Variants in ETFB observed in about 807,000 individuals in gnomAD.
ETFB encodes the protein beta-ETF.
In ETFB, 20 loss-of-function variants were observed where a neutral mutation model predicts 25.6. The observed-to-expected ratio is 0.78, with a 90% CI of 0.55 to 1.14. ETFB has a LOEUF of 1.14. Ranked by LOEUF, ETFB falls within the 50% of genes most tolerant of loss-of-function variation. ETFB has a pLI of 0.00. For synonymous variants in ETFB, 142 were observed against 146.7 expected (o/e 0.97, Z 0.23); for missense variants, 286 against 342.6 (o/e 0.83, Z 1.30).
At position 51,354,182 on chromosome 19, in the gene ETFB, T is replaced by C. The variant is rs199705168; in HGVS notation, c.184A>G (p.Ile62Val). ...LKEKKLVKEV[I>V]AVSCGPAQCQ... is the part of the protein sequence containing the mutation. Reference sequence around the variant, plus strand: ...TGTGCAGGCCCACAGCTGACGGCGATGACCTCCTTCACCAGCTTCTTCTCC... The same window carrying C: ...TGTGCAGGCCCACAGCTGACGGCGACGACCTCCTTCACCAGCTTCTTCTCC... Residue 62 changes from isoleucine to valine, a missense_variant, in exon 2 of 6, where the codon ATC becomes GTC. By Grantham distance (29) the Ile-to-Val change is conservative (BLOSUM62 3). Coordinates refer to ENST00000309244, the MANE Select transcript of ETFB (RefSeq NM_001985.3). 18 of 1,613,980 alleles carry C rather than the reference T, an allele frequency of 1.1e-5. No homozygotes were observed. The Admixed American group carries it at 1.8e-4, about 16-fold the overall frequency.
chr19:51,350,836 G>T (rs968351123), intron 3 of ETFB, among the ~76,000 whole-genome samples: 1 of 152,174 alleles, frequency 6.6e-6, no homozygotes, highest in Non-Finnish European at 1.5e-5. Flanking sequence ...CAGGTCATAC[G>T]GTCTCTGTCA....
At chr19:51,355,071 G>T (rs1986045683) in intron 1 of ETFB, 1 of 175,736 alleles carries the variant, frequency 5.7e-6, no homozygotes, top group Non-Finnish European at 1.2e-5. Context: ...AACAGCTACA[G>T]AGATGAAAGG....
At chr19:51,359,918 T>A (rs1986178216) in intron 1 of ETFB, among the ~76,000 whole-genome samples, 1 of 151,634 alleles carries the variant, frequency 6.6e-6, no homozygotes, top group South Asian at 2.1e-4. Flanking sequence ...CTGAGGAGGC[T>A]GAGGTGGGAG....
intron 1 of ETFB, among the ~76,000 whole-genome samples, chr19:51,361,453 T>G (rs1355749312): frequency 6.6e-6 from 1 of 152,094 alleles, no homozygotes; most frequent in Non-Finnish European, 1.5e-5. Context: ...AGGTGACATG[T>G]GAGCCCCACG....
chr19:51,359,822 C>T (rs1986175567), intron 1 of ETFB, among the ~76,000 whole-genome samples: 1 of 151,860 alleles, frequency 6.6e-6, no homozygotes, highest in African/African-American at 2.4e-5. Flanking sequence ...GATTTCAAGA[C>T]CAGCCTGGGC....
At chr19:51,350,701 T>C (rs1599840696) in intron 3 of ETFB, among the ~76,000 whole-genome samples, 1 of 152,058 alleles carries the variant, frequency 6.6e-6, no homozygotes, top group African/African-American at 2.4e-5. Context: ...GCCAGGCTGG[T>C]CTTGAACTGC....
At position 51,354,281 on chromosome 19, in the gene ETFB, C is replaced by T. The variant is rs765099692; in HGVS notation, c.85G>A (p.Val29Met). 1 of 1,614,208 alleles carries T rather than the reference C, an allele frequency of 6.2e-7. No individual in the cohort carries two copies. Among genetic ancestry groups the T allele is most frequent in the Non-Finnish European group, 8.5e-7 (1 of 1,180,052 alleles). ...KIRVKPDRTG[V>M]VTDGVKHSMN... ...GAGTGCTTCACACCATCCGTGACCA[C>T]ACCGGTCCTGTCAGGCTTCACTCGG... Residue 29 changes from valine (V) to methionine (M), a missense_variant, in exon 2 of 6, where the codon GTG becomes ATG. Transcript: ENST00000309244.
chr19:51,357,053 T>G (rs959739841), intron 1 of ETFB: 2 of 151,650 alleles, frequency 1.3e-5, no homozygotes, highest in African/African-American at 4.8e-5. Context: ...TAATCACATC[T>G]GCAAAGACCC....
At chr19:51,362,656 A>T (rs1316327964) in intron 1 of ETFB, among the ~76,000 whole-genome samples, 1 of 152,198 alleles carries the variant, frequency 6.6e-6, no homozygotes, top group Non-Finnish European at 1.5e-5. Flanking sequence ...TCAATAAAGT[A>T]GATAGTACCA....
chr19:51,345,810 C>T (rs1361479154), intron 5 of ETFB: 1 of 290,650 alleles, frequency 3.4e-6, no homozygotes, highest in Non-Finnish European at 6.7e-6. Flanking sequence ...GCTGAACCCT[C>T]CCTATAGGCT....
intron 1 of ETFB, among the ~76,000 whole-genome samples, chr19:51,358,757 C>A (rs565916432): frequency 6.6e-6 from 1 of 151,636 alleles, no homozygotes; most frequent in East Asian, 2.0e-4. Flanking sequence ...TGTAATGAGC[C>A]AAGATTGCGC....
chr19:51,365,987 G>A (rs1171525267), intron 1 of ETFB, among the ~76,000 whole-genome samples: 2 of 152,182 alleles, frequency 1.3e-5, no homozygotes, highest in East Asian at 3.8e-4. Flanking sequence ...AACAGGGACC[G>A]TGACTTCTTC....
chr19:51,360,778 CT>C (rs1443905038), intron 1 of ETFB, among the ~76,000 whole-genome samples: 3 of 151,958 alleles, frequency 2.0e-5, no homozygotes, highest in Non-Finnish European at 4.4e-5. Flanking sequence ...CTCTCTCTCT[CT>C]CTCTCTCTCT....
At chr19:51,350,054 C>G in intron 4 of ETFB, 1 of 429,912 alleles carries the variant, frequency 2.3e-6, no homozygotes, top group Admixed American at 3.5e-5. Flanking sequence ...CTGGCCCCAG[C>G]CTGCATTTCT....
Position 51,366,259 on chromosome 19 carries a change from G to A in ETFB, c.57+11C>T. Reference sequence around the variant, plus strand: ...GGGACTCAGGGATGTGGGAGAGGGGGGCCCGATCACCTTCACGGCGTAGTC... The same window carrying A: ...GGGACTCAGGGATGTGGGAGAGGGGAGCCCGATCACCTTCACGGCGTAGTC... On this transcript the variant is annotated intron_variant, in intron 1 of 5. Transcript: ENST00000309244. 6.2e-7 allele frequency: 1 copy of A among 1,613,604 alleles called. No individual in the cohort carries two copies. The highest frequency in any genetic ancestry group is 1.3e-5 in the African/African-American group (1 of 75,038).
At chr19:51,352,713 C>T (rs997799600) in intron 3 of ETFB, among the ~76,000 whole-genome samples, 5 of 152,098 alleles carry the variant, frequency 3.3e-5, no homozygotes, top group African/African-American at 1.2e-4. Flanking sequence ...CTGCAACCTC[C>T]GCCTCCCAGG....
intron 1 of ETFB, among the ~76,000 whole-genome samples, chr19:51,363,749 G>A (rs750377891): frequency 2.0e-5 from 3 of 152,114 alleles, no homozygotes; most frequent in Admixed American, 6.6e-5. Context: ...GCGCCTGGCC[G>A]AGAATCACTA....
chr19:51,346,086 C>T (rs112000451), intron 5 of ETFB: 2,560 of 41,166 alleles, frequency 0.062, 2 homozygotes, highest in Middle Eastern at 0.095. Flanking sequence ...TGCGCTGAAC[C>T]CTCCCTATAG....
chr19:51,354,389 G>C (rs757779883), intron 1 of ETFB, 81 bp from the exon 2 acceptor site: 24 of 1,613,998 alleles, frequency 1.5e-5, no homozygotes, highest in Middle Eastern at 1.6e-4. Flanking sequence ...CCTCTCCCAG[G>C]CTGGATGAGG....
Sources: allele counts gnomAD v4.1 joint callset (sites outside exome capture counted in the v4.1 genomes callset), GRCh38; gene constraint gnomAD v4.1.1; transcripts MANE v1.5; gene names NCBI Gene and HGNC (gene_info 2026-07-23, HGNC 2026-07-21).